Variants in ARHGEF7 observed in about 807,000 individuals in gnomAD.
ARHGEF7 encodes Rho guanine nucleotide exchange factor 7, also known as PAK-interacting exchange factor beta.
A neutral mutation model predicts 109.8 loss-of-function variants in ARHGEF7; 33 were observed. The ratio of observed to expected loss-of-function variants is 0.30; its 90% CI spans 0.23 to 0.40. The LOEUF is 0.40. Ranked by LOEUF, ARHGEF7 falls within the 10% of genes least tolerant of loss-of-function variation. The pLI, the probability that ARHGEF7 is intolerant of heterozygous loss-of-function variation, is 1.00. For missense variants in ARHGEF7, 938 were observed against 1,098.5 expected (o/e 0.85, Z 2.07); for synonymous variants, 458 against 424.6 (o/e 1.08, Z -0.97).
At chr13:111,269,132 T>G (rs1447248794) in intron 9 of ARHGEF7, among the ~76,000 whole-genome samples, 1 of 152,224 alleles carries the variant, frequency 6.6e-6, no homozygotes, top group Non-Finnish European at 1.5e-5. Context: ...CCAGCATGTT[T>G]CCAGTTATGT....
rs2093616770 is a variant in ARHGEF7, at chr13:111,304,057, G to C, written c.*944G>C. On this transcript the variant is annotated 3_prime_UTR_variant, in exon 22 of 22. Transcript: ENST00000646102. ...GCCATGCTGCAGGCTGATACTGATG[G>C]GTGGAGTTTTGTCATCAGGCCAGCC... The C allele has an allele frequency of 6.6e-6, 1 of 152,230 alleles. No individual in the cohort carries two copies. Among genetic ancestry groups the C allele is most frequent in the African/African-American group, 2.4e-5 (1 of 41,448 alleles). 9.4% of individuals were successfully genotyped at this position (152,230 alleles called of 1,614,324 possible). A position where few individuals can be genotyped will look rare whatever the true frequency, so the allele number is the denominator to read the frequency against.
At chr13:111,301,561 T>A in intron 21 of ARHGEF7, 29 bp downstream of exon 21, 1 of 1,566,288 alleles carries the variant, frequency 6.4e-7, no homozygotes, top group Non-Finnish European at 8.8e-7. Context: ...TTAAATCTTT[T>A]TTTTCTTTTC....
At chr13:111,154,117 C>T (rs1009050041) in intron 2 of ARHGEF7, 126 bp downstream of exon 2, 20 of 1,021,990 alleles carry the variant, frequency 2.0e-5, no homozygotes, top group East Asian at 6.3e-5. Flanking sequence ...CCCGGCTGCT[C>T]GAGAGTCCGG....
At chr13:111,280,899 A>G in intron 15 of ARHGEF7, 1 of 493,866 alleles carries the variant, frequency 2.0e-6, no homozygotes, top group Non-Finnish European at 3.5e-6. Flanking sequence ...GTGCCTCCTC[A>G]CGCACAGTTC....
intron 5 of ARHGEF7, among the ~76,000 whole-genome samples, chr13:111,232,292 A>G (rs1274135845): frequency 6.6e-6 from 1 of 152,078 alleles, no homozygotes; most frequent in Non-Finnish European, 1.5e-5. Context: ...TGCAGAACTA[A>G]TGGTAAAGAC....
At chr13:111,140,896 C>A (rs2075314913) in intron 1 of ARHGEF7, among the ~76,000 whole-genome samples, 1 of 152,076 alleles carries the variant, frequency 6.6e-6, no homozygotes, top group African/African-American at 2.4e-5. Context: ...CCCGGCTGAT[C>A]TTGAACTCCT....
intron 5 of ARHGEF7, among the ~76,000 whole-genome samples, chr13:111,220,640 G>T (rs1369673806): frequency 2.0e-5 from 3 of 152,166 alleles, no homozygotes; most frequent in South Asian, 4.1e-4. Context: ...CCACAGGAAG[G>T]CATCGTGAGC....
chr13:111,151,120 G>A (rs894304008), intron 1 of ARHGEF7, among the ~76,000 whole-genome samples: 1 of 152,218 alleles, frequency 6.6e-6, no homozygotes, highest in African/African-American at 2.4e-5. Context: ...TAGCAAGGTT[G>A]AATGCTTTAA....
intron 4 of ARHGEF7, among the ~76,000 whole-genome samples, chr13:111,217,419 TC>T: frequency 6.6e-6 from 1 of 152,340 alleles, no homozygotes; most frequent in South Asian, 2.1e-4. Flanking sequence ...TGACTCTGTC[TC>T]TGTCACATGG....
intron 19 of ARHGEF7, among the ~76,000 whole-genome samples, chr13:111,295,574 C>G (rs1662113431): frequency 6.6e-6 from 1 of 150,522 alleles, no homozygotes; most frequent in Admixed American, 6.6e-5. Flanking sequence ...GCTTATCCAG[C>G]TAAGAGAGTA....
chr13:111,186,760 G>A, intron 2 of ARHGEF7: 1 of 964,304 alleles, frequency 1.0e-6, no homozygotes, highest in Non-Finnish European at 1.2e-6. Flanking sequence ...GAGGAGGCGA[G>A]CTGACTGGTG....
chr13:111,263,003 C>G (rs950057466), intron 8 of ARHGEF7, among the ~76,000 whole-genome samples: 1 of 152,246 alleles, frequency 6.6e-6, no homozygotes, highest in East Asian at 1.9e-4. Context: ...TTATCACACT[C>G]TGAAGAGCAG....
chr13:111,163,640 C>G (rs1055532398), intron 2 of ARHGEF7, among the ~76,000 whole-genome samples: 3 of 152,110 alleles, frequency 2.0e-5, no homozygotes, highest in African/African-American at 7.2e-5. Context: ...TCATGGTTCA[C>G]TGCAGCCCCC....
intron 4 of ARHGEF7, among the ~76,000 whole-genome samples, chr13:111,215,954 G>A (rs2083079429): frequency 6.6e-6 from 1 of 152,140 alleles, no homozygotes; most frequent in African/African-American, 2.4e-5. Context: ...AACTCCTTCA[G>A]AAAGTGGTGC....
intron 12 of ARHGEF7, 48 bp downstream of exon 12, chr13:111,275,726 G>T: frequency 6.2e-7 from 1 of 1,611,436 alleles, no homozygotes; most frequent in Non-Finnish European, 8.5e-7. Flanking sequence ...CCACTCTTAG[G>T]AGCTCATAGC....
intron 5 of ARHGEF7, among the ~76,000 whole-genome samples, chr13:111,231,510 G>A (rs181793659): frequency 6.7e-6 from 1 of 149,318 alleles, no homozygotes; most frequent in Non-Finnish European, 1.5e-5. Flanking sequence ...TTGAAGGAAG[G>A]TTGAGGTAAA....
At chr13:111,280,015 T>TA (rs1169077701) in intron 13 of ARHGEF7, among the ~76,000 whole-genome samples, 2 of 152,220 alleles carry the variant, frequency 1.3e-5, no homozygotes, top group African/African-American at 4.8e-5. Flanking sequence ...GCTCATCAGA[T>TA]ACAGTGTGTG....
At chr13:111,280,446 G>A in intron 14 of ARHGEF7, 92 bp from the exon 15 acceptor site, 2 of 1,584,122 alleles carry the variant, frequency 1.3e-6, no homozygotes, top group East Asian at 2.2e-5. Flanking sequence ...AGAAGGTGGT[G>A]TTTAAGCGCT....
At chr13:111,275,006 G>A (rs2092396935) in intron 11 of ARHGEF7, among the ~76,000 whole-genome samples, 1 of 152,170 alleles carries the variant, frequency 6.6e-6, no homozygotes, top group African/African-American at 2.4e-5. Context: ...ATTGATGTTA[G>A]ATCTACTTTA....
Sources: gnomAD v4.1 joint callset for allele counts (sites outside exome capture counted in the v4.1 genomes callset) on GRCh38, gnomAD v4.1.1 for gene constraint, MANE v1.5 for transcripts, NCBI Gene and HGNC (gene_info 2026-07-23, HGNC 2026-07-21) for gene names.